ZBTB20: variants seen among roughly 807,000 people sequenced by gnomAD.
ZBTB20 encodes the protein zinc finger and BTB domain-containing protein 20.
In ZBTB20, 9 loss-of-function variants were observed where a neutral mutation model predicts 56.9. The observed-to-expected ratio is 0.16, with a 90% CI of 0.10 to 0.28. The LOEUF is 0.28. ZBTB20 is among the 10% of genes least tolerant of loss of function. The pLI is 1.00. For missense variants in ZBTB20, 655 were observed against 1,003.0 expected (o/e 0.65, Z 4.69); for synonymous variants, 417 against 420.7 (o/e 0.99, Z 0.11).
At chr3:114,932,467 T>C (rs1426652906) in intron 3 of ZBTB20, among the ~76,000 whole-genome samples, 1 of 152,232 alleles carries the variant, frequency 6.6e-6, no homozygotes, top group Non-Finnish European at 1.5e-5. Context: ...TCATATACAA[T>C]TGTTTGACAT....
intron 7 of ZBTB20, among the ~76,000 whole-genome samples, chr3:114,417,288 T>G (rs1161267723): frequency 1.3e-5 from 2 of 152,106 alleles, no homozygotes; most frequent in Non-Finnish European, 2.9e-5. Context: ...TGTTGCACAT[T>G]TGCACTTAAT....
At chr3:114,785,924 TCTC>T (rs1340974805) in intron 5 of ZBTB20, among the ~76,000 whole-genome samples, 2 of 152,168 alleles carry the variant, frequency 1.3e-5, no homozygotes, top group African/African-American at 4.8e-5. Flanking sequence ...TTGACGAACT[TCTC>T]CTGATATCCC....
At chr3:114,729,315 C>A (rs1446369610) in intron 5 of ZBTB20, among the ~76,000 whole-genome samples, 1 of 152,106 alleles carries the variant, frequency 6.6e-6, no homozygotes, top group Non-Finnish European at 1.5e-5. Context: ...AGAATAACAG[C>A]AATGGATGTA....
intron 4 of ZBTB20, among the ~76,000 whole-genome samples, chr3:114,853,475 T>A (rs571963400): frequency 6.6e-6 from 1 of 152,326 alleles, no homozygotes; most frequent in African/African-American, 2.4e-5. Flanking sequence ...TTGCATTTAG[T>A]TTTTCATCTG....
chr3:114,494,932 T>C (rs1417908525), intron 7 of ZBTB20, among the ~76,000 whole-genome samples: 1 of 152,238 alleles, frequency 6.6e-6, no homozygotes, highest in African/African-American at 2.4e-5. Flanking sequence ...CTTTGGTATA[T>C]GATTTTGCTT....
chr3:115,122,058 T>G (rs765611077), intron 1 of ZBTB20, among the ~76,000 whole-genome samples: 1 of 152,036 alleles, frequency 6.6e-6, no homozygotes, highest in Non-Finnish European at 1.5e-5. Flanking sequence ...ATACTGCAGT[T>G]TCCAGACTAA....
chr3:115,025,729 T>G (rs1444855015), intron 2 of ZBTB20, among the ~76,000 whole-genome samples: 1 of 150,602 alleles, frequency 6.6e-6, no homozygotes, highest in Non-Finnish European at 1.5e-5. Context: ...AACTCCACTT[T>G]CTTGCTTCCA....
intron 1 of ZBTB20, among the ~76,000 whole-genome samples, chr3:115,093,252 G>GT (rs1467510825): frequency 6.6e-6 from 1 of 152,004 alleles, no homozygotes; most frequent in Admixed American, 6.6e-5. Context: ...TTCTAAAAAT[G>GT]TTTTTTATTC....
intron 4 of ZBTB20, among the ~76,000 whole-genome samples, chr3:114,819,772 G>GA (rs141011649): frequency 6.6e-6 from 1 of 151,596 alleles, no homozygotes; most frequent in Admixed American, 6.6e-5. Context: ...TAGTCACAGA[G>GA]AAAAAAATAC....
At chr3:114,434,386 C>T (rs939963673) in intron 7 of ZBTB20, among the ~76,000 whole-genome samples, 10 of 151,986 alleles carry the variant, frequency 6.6e-5, no homozygotes, top group Admixed American at 4.6e-4. Context: ...TGCTAGGATC[C>T]ATATAAGATC....
intron 7 of ZBTB20, among the ~76,000 whole-genome samples, chr3:114,409,480 C>A (rs1410980411): frequency 6.6e-6 from 1 of 151,746 alleles, no homozygotes; most frequent in East Asian, 1.9e-4. Context: ...GAAGGCACTA[C>A]AGCAGGAACA....
intron 1 of ZBTB20, among the ~76,000 whole-genome samples, chr3:115,111,978 A>G (rs2083894251): frequency 1.3e-5 from 2 of 152,108 alleles, no homozygotes. Context: ...TCCTTCCCCT[A>G]CTCTCAAGAA....
intron 6 of ZBTB20, among the ~76,000 whole-genome samples, chr3:114,507,950 A>T (rs962198603): frequency 1.7e-4 from 26 of 152,148 alleles, no homozygotes; most frequent in African/African-American, 6.3e-4. Context: ...ATTGGGAAAA[A>T]TGTACTTGAA....
At chr3:114,668,015 T>A (rs528766068) in intron 6 of ZBTB20, among the ~76,000 whole-genome samples, 1 of 152,174 alleles carries the variant, frequency 6.6e-6, no homozygotes, top group African/African-American at 2.4e-5. Flanking sequence ...TTACATATTT[T>A]AAAAATTGTG....
chr3:114,343,602 G>C (rs1189530011), intron 11 of ZBTB20, among the ~76,000 whole-genome samples: 2 of 152,218 alleles, frequency 1.3e-5, no homozygotes, highest in Admixed American at 6.5e-5. Context: ...AGGAACACTT[G>C]AAAGTCCAGG....
At chr3:114,802,523 C>T (rs2071792220) in intron 4 of ZBTB20, among the ~76,000 whole-genome samples, 1 of 151,814 alleles carries the variant, frequency 6.6e-6, no homozygotes, top group Non-Finnish European at 1.5e-5. Flanking sequence ...TTTTCCCCCT[C>T]CTCTCACATG....
chr3:114,938,365 G>A (rs2107839186), intron 3 of ZBTB20, among the ~76,000 whole-genome samples: 1 of 146,062 alleles, frequency 6.8e-6, no homozygotes, highest in Middle Eastern at 3.4e-3. Flanking sequence ...TGTCCTGAAT[G>A]GTATCACCTA....
chr3:114,568,750 T>C (rs1243650063), intron 6 of ZBTB20, among the ~76,000 whole-genome samples: 1 of 152,220 alleles, frequency 6.6e-6, no homozygotes, highest in Non-Finnish European at 1.5e-5. Context: ...ATGAATGACC[T>C]GAATGCAAGC....
chr3:115,103,035 T>C, intron 1 of ZBTB20: 1 of 152,024 alleles, frequency 6.6e-6, no homozygotes, highest in East Asian at 1.9e-4. Flanking sequence ...CCCATATCTG[T>C]ACATTTTACT....
Sources: gnomAD v4.1 joint callset for allele counts (sites outside exome capture counted in the v4.1 genomes callset) on GRCh38, gnomAD v4.1.1 for gene constraint, MANE v1.5 for transcripts, NCBI Gene and HGNC (gene_info 2026-07-23, HGNC 2026-07-21) for gene names.